Variants in CEP152 observed in about 807,000 individuals in gnomAD.
The protein encoded by CEP152 is centrosomal protein of 152 kDa.
A neutral mutation model predicts 188.9 loss-of-function variants in CEP152; 132 were observed. The observed-to-expected ratio is 0.70, with a 90% CI of 0.61 to 0.81. The LOEUF is 0.81. Among genes scored for constraint, CEP152 ranks in the 30% least tolerant of loss-of-function variants. The pLI, the probability that CEP152 is intolerant of heterozygous loss-of-function variation, is 0.00. For synonymous variants in CEP152, 649 were observed against 666.6 expected, an observed-to-expected ratio of 0.97 and a Z score of 0.41; for missense variants, 1,914 against 1,969.8, an observed-to-expected ratio of 0.97 and a Z score of 0.54.
intron 8 of CEP152, 172 bp from the exon 9 acceptor site, chr15:48,789,173 T>G (rs1896856719): frequency 1.5e-6 from 1 of 652,090 alleles, no homozygotes; most frequent in Non-Finnish European, 2.7e-6. Context: ...CAACCCTAGC[T>G]GGGACCCTCC....
chr15:48,781,457 C>CA (rs1217642736), intron 11 of CEP152, 98 bp from the exon 12 acceptor site: 6 of 899,742 alleles, frequency 6.7e-6, no homozygotes, highest in Non-Finnish European at 1.0e-5. Context: ...CAACAGGAGG[C>CA]AAAAAAACTT....
chr15:48,759,506 G>C (rs1466704904), intron 19 of CEP152, among the ~76,000 whole-genome samples: 2 of 152,184 alleles, frequency 1.3e-5, no homozygotes, highest in African/African-American at 4.8e-5. Context: ...AATACAGTCT[G>C]AGTTGTTGCT....
At chr15:48,737,326 G>C (rs967591671), downstream of CEP152, among the ~76,000 whole-genome samples, 11 of 152,134 alleles carry the variant, frequency 7.2e-5, no homozygotes, top group Admixed American at 3.3e-4. Context: ...GGAAGCACTT[G>C]CATACAGCTA....
chr15:48,744,092 AG>A, intron 24 of CEP152, 147 bp downstream of exon 24: 3 of 1,275,576 alleles, frequency 2.4e-6, no homozygotes, highest in Admixed American at 2.7e-5. Flanking sequence ...AATTTTGAAA[AG>A]GTATCAATAA....
intron 11 of CEP152, 73 bp from the exon 12 acceptor site, chr15:48,781,432 ATTTGT>A (rs1325995509): frequency 9.2e-6 from 12 of 1,308,808 alleles, no homozygotes; most frequent in Non-Finnish European, 3.2e-6. Flanking sequence ...CTGTTTCAAA[ATTTGT>A]TTTAATGATC....
chr15:48,797,441 G>T lies in CEP152; in HGVS notation c.400C>A (p.Pro134Thr). 1 of 1,614,084 alleles carries T rather than the reference G, an allele frequency of 6.2e-7. No individual in the cohort carries two copies. Among genetic ancestry groups the T allele is most frequent in the Non-Finnish European group, 8.5e-7 (1 of 1,179,998 alleles). The change falls in exon 5 of 27, where the codon CCT becomes ACT. Residue 134 changes from proline (P) to threonine (T), a missense_variant. Coordinates refer to ENST00000380950, the MANE Select transcript of CEP152 (RefSeq NM_001194998.2). ...TCAGTCTGTTCACATTTACTTGGAG[G>T]ACTATAACCACTTCCACCTTCATCT... ...GGDEGGSGYSPPSKCEQTDLY... is the reference protein window; with the variant it reads ...GGDEGGSGYSTPSKCEQTDLY...
At chr15:48,744,217 A>C (rs1181455253) in intron 24 of CEP152, 23 bp downstream of exon 24, 6 of 1,612,720 alleles carry the variant, frequency 3.7e-6, no homozygotes, top group Non-Finnish European at 5.1e-6. Context: ...AGCCATCCTT[A>C]AAATCTTCAG....
chr15:48,803,802 A>G (rs1271380783), intron 2 of CEP152, among the ~76,000 whole-genome samples: 1 of 152,212 alleles, frequency 6.6e-6, no homozygotes, highest in Non-Finnish European at 1.5e-5. Context: ...ATATTTCTCA[A>G]TGAAAAATCA....
At chr15:48,794,770 C>T (rs1472741810) in intron 6 of CEP152, among the ~76,000 whole-genome samples, 1 of 152,190 alleles carries the variant, frequency 6.6e-6, no homozygotes, top group Non-Finnish European at 1.5e-5. Flanking sequence ...GGTTCATTTA[C>T]TCAACCTAAA....
chr15:48,804,945 A>G (rs964698829), intron 2 of CEP152, among the ~76,000 whole-genome samples: 1 of 152,060 alleles, frequency 6.6e-6, no homozygotes, highest in African/African-American at 2.4e-5. Flanking sequence ...CCAACTTCCC[A>G]GCTTACACTC....
Position 48,781,220 on chromosome 15 carries a change from T to C in CEP152, c.1553A>G (p.Asn518Ser), listed in dbSNP as rs1567012022. 4 of 1,613,558 alleles carry C rather than the reference T, an allele frequency of 2.5e-6. No individual in the cohort carries two copies. Among genetic ancestry groups the C allele is most frequent in the South Asian group, 2.2e-5 (2 of 91,076 alleles). Residue 518 changes from asparagine to serine, a missense_variant, in exon 12 of 27, where the codon AAC (asparagine) becomes AGC (serine). Transcript: ENST00000380950. ...SYVDLGIKKV[N>S]WKKSKVTSIV... ...CCTGGTAACTTTGGATTTTTTCCAG[T>C]TGACCTTTTTAATACCCAAATCCAC...
In CEP152 at chr15:48,783,959, T is replaced by G. The variant is rs779822841; in HGVS notation, c.1321+14A>C. ...CAACCTTCTGGGGAGACAGTGGACC[T>G]ACCAGACACCTACCGGACTGCAACA... On this transcript the variant is annotated intron_variant, in intron 10 of 26. Coordinates refer to ENST00000380950, the MANE Select transcript of CEP152 (RefSeq NM_001194998.2). 1.9e-6 allele frequency: 3 copies of G among 1,613,704 alleles called. No homozygotes were observed. In the African/African-American group the frequency reaches 4.0e-5, roughly 22 times the overall value.
intron 19 of CEP152, among the ~76,000 whole-genome samples, chr15:48,758,461 T>A (rs2140685363): frequency 6.6e-6 from 1 of 152,210 alleles, no homozygotes; most frequent in East Asian, 1.9e-4. Flanking sequence ...CTCCCACCTG[T>A]AATCCCAGCA....
At chr15:48,796,257 C>T (rs1897284569) in intron 5 of CEP152, 97 bp from the exon 6 acceptor site, 1 of 1,345,164 alleles carries the variant, frequency 7.4e-7, no homozygotes, top group Non-Finnish European at 1.0e-6. Flanking sequence ...ACAGAACTTA[C>T]TTTTGGTACA....
chr15:48,785,694 A>G (rs888473100), intron 9 of CEP152, among the ~76,000 whole-genome samples: 1 of 152,202 alleles, frequency 6.6e-6, no homozygotes, highest in African/African-American at 2.4e-5. Flanking sequence ...CCTATTGACA[A>G]GTTCAGGAAA....
In CEP152 at chr15:48,765,873, C is replaced by T. The variant is rs183577091; in HGVS notation, c.2280+1187G>A. Among the ~76,000 whole-genome samples, 132 of 151,924 alleles carry T rather than the reference C, an allele frequency of 8.7e-4. 1 individual carries two copies. Among genetic ancestry groups the T allele is most frequent in the African/African-American group, 3.1e-3 (130 of 41,434 alleles). ...TTCACCGTGTTAGCCAGGATGGTCTCGATCTCCTGACCTCGTGATCCGCCC... is the reference window on the plus strand; with the variant it reads ...TTCACCGTGTTAGCCAGGATGGTCTTGATCTCCTGACCTCGTGATCCGCCC... On this transcript the variant is annotated intron_variant, in intron 17 of 26. Coordinates refer to ENST00000380950, the MANE Select transcript of CEP152 (RefSeq NM_001194998.2).
intron 1 of CEP152, among the ~76,000 whole-genome samples, chr15:48,808,497 C>T (rs2140942995): frequency 6.6e-6 from 1 of 152,038 alleles, no homozygotes; most frequent in Admixed American, 6.5e-5. Flanking sequence ...AAAAGACAAT[C>T]CAATATAAAA....
chr15:48,741,750 A>G, intron 25 of CEP152, 46 bp from the exon 26 acceptor site: 1 of 1,612,892 alleles, frequency 6.2e-7, no homozygotes, highest in Non-Finnish European at 8.5e-7. Flanking sequence ...AAAGGAAAAA[A>G]TGAGTTGCCT....
In CEP152 at chr15:48,756,015, G is replaced by T; in HGVS notation, c.3233C>A (p.Ser1078Tyr). The change falls in exon 20 of 27, where the codon TCT (serine) becomes TAT (tyrosine). Residue 1078 changes from serine (S) to tyrosine (Y), a missense_variant. Coordinates refer to ENST00000380950, the MANE Select transcript of CEP152 (RefSeq NM_001194998.2). ...KQLLEIMSTC[S>Y]SKWMSVQYFE... ...ATATTGCACAGACATCCATTTTGAA[G>T]AACAAGTCGACATGATTTCCAAAAG... The T allele has an allele frequency of 6.2e-7, 1 of 1,614,018 alleles. No homozygotes were observed. Among genetic ancestry groups the T allele is most frequent in the Non-Finnish European group, 8.5e-7 (1 of 1,179,964 alleles).
Sources: allele counts gnomAD v4.1 joint callset (sites outside exome capture counted in the v4.1 genomes callset), GRCh38; gene constraint gnomAD v4.1.1; transcripts MANE v1.5; gene names NCBI Gene and HGNC (gene_info 2026-07-23, HGNC 2026-07-21).